APBA1: variants seen among roughly 807,000 people sequenced by gnomAD.
APBA1 encodes the protein amyloid beta precursor protein binding family A member 1.
In APBA1, 55 loss-of-function variants were observed where a neutral mutation model predicts 86.6. The observed-to-expected ratio is 0.64, with a 90% confidence interval of 0.51 to 0.80. APBA1 has a LOEUF of 0.80. Among genes scored for constraint, APBA1 ranks in the 30% least tolerant of loss-of-function variants. The probability of loss-of-function intolerance (pLI) is 0.00; values close to 1 mark genes in which losing one functional copy is unlikely to be tolerated. For synonymous variants in APBA1, 511 were observed against 493.9 expected (o/e 1.03, Z -0.46); for missense variants, 1,090 against 1,183.0 (o/e 0.92, Z 1.15).
intron 1 of APBA1, among the ~76,000 whole-genome samples, chr9:69,648,187 A>C (rs968267143): frequency 6.6e-6 from 1 of 152,210 alleles, no homozygotes; most frequent in Non-Finnish European, 1.5e-5. Context: ...TGGCTACAAC[A>C]TTTCTCACCA....
In APBA1 at chr9:69,514,751, A is replaced by C. The variant is rs143866529; in HGVS notation, c.1200+1260T>G. 3.4e-3 allele frequency among the ~76,000 whole-genome samples: 510 copies of C among 152,118 alleles called. 2 individuals are homozygous for C. The highest frequency in any genetic ancestry group is 0.011 in the African/African-American group (474 of 41,498). ...TTATGAAACCCCGTCTCTACTAAAA[A>C]ATACAAAAATTAGCTGGACGTGGTG... On this transcript the variant is annotated intron_variant, in intron 2 of 12. Transcript: ENST00000265381.
chr9:69,549,717 A>G (rs1043076706), intron 1 of APBA1, among the ~76,000 whole-genome samples: 1 of 152,236 alleles, frequency 6.6e-6, no homozygotes, highest in Non-Finnish European at 1.5e-5. Context: ...AGGAAGAAGA[A>G]AAAATAAAAG....
chr9:69,658,288 C>CTT lies in APBA1; in HGVS notation c.-70+13864_-70+13865insAA, dbSNP rs1823668228. Among the ~76,000 whole-genome samples the CTT allele has an allele frequency of 7.9e-4, 33 of 41,680 alleles. 1 individual carries two copies. Among genetic ancestry groups the CTT allele is most frequent in the African/African-American group, 1.8e-3 (32 of 17,302 alleles). 27.3% of individuals were successfully genotyped at this position (41,680 alleles called of 152,430 possible). Reference sequence around the variant, plus strand: ...TCTTTCTTTCTTTCTTTCTTTCTCTCTCTCTTTCTCTCTCTCTCTTTCTTT... The same window carrying CTT: ...TCTTTCTTTCTTTCTTTCTTTCTCTCTTTCTCTTTCTCTCTCTCTCTTTCTTT... On this transcript the variant is annotated intron_variant, in intron 1 of 12. Coordinates refer to ENST00000265381, the MANE Select transcript of APBA1 (RefSeq NM_001163.4).
intron 1 of APBA1, among the ~76,000 whole-genome samples, chr9:69,586,701 A>G (rs933034797): frequency 5.9e-5 from 9 of 152,144 alleles, no homozygotes; most frequent in Non-Finnish European, 8.8e-5. Context: ...TTAATTCCCA[A>G]TGCTGCTTCC....
chr9:69,583,787 A>G (rs1415399290), intron 1 of APBA1, among the ~76,000 whole-genome samples: 2 of 152,172 alleles, frequency 1.3e-5, no homozygotes, highest in Non-Finnish European at 2.9e-5. Context: ...CGGAATCATT[A>G]AAAGCTCTGG....
intron 1 of APBA1, among the ~76,000 whole-genome samples, chr9:69,670,416 G>A (rs1588421739): frequency 6.6e-6 from 1 of 152,264 alleles, no homozygotes; most frequent in East Asian, 1.9e-4. Flanking sequence ...AAGAGAACCG[G>A]GCAGCCAGTT....
chr9:69,431,466 G>T, intron 12 of APBA1, 68 bp from the exon 13 acceptor site: 1 of 1,418,936 alleles, frequency 7.0e-7, no homozygotes, highest in Non-Finnish European at 9.8e-7. Context: ...CACTGCCCAG[G>T]GCTGGCCAGA....
chr9:69,484,280 A>G (rs796373827), intron 2 of APBA1, among the ~76,000 whole-genome samples: 31 of 152,238 alleles, frequency 2.0e-4, no homozygotes, highest in African/African-American at 7.0e-4. Context: ...CAGGTTATAC[A>G]GAGAGCAGGG....
At chr9:69,472,010 CT>C (rs1835374278) in intron 3 of APBA1, among the ~76,000 whole-genome samples, 1 of 152,150 alleles carries the variant, frequency 6.6e-6, no homozygotes, top group African/African-American at 2.4e-5. Flanking sequence ...AATTTGTATT[CT>C]TAAGGATCTG....
chr9:69,540,203 G>A (rs1836583289), intron 1 of APBA1, among the ~76,000 whole-genome samples: 1 of 151,932 alleles, frequency 6.6e-6, no homozygotes, highest in Admixed American at 6.6e-5. Context: ...ATCTAAAATA[G>A]TAATCTCCAT....
rs117226337 is a variant in APBA1, at chr9:69,643,256, T to C, written c.-70+28897A>G. ...CTACACAAGCTCCCCATGAAGACTT[T>C]CTTCACCTGCCGAGTCTCAGTAACT... On this transcript the variant is annotated intron_variant, in intron 1 of 12. Transcript: ENST00000265381. 4.2e-3 allele frequency among the ~76,000 whole-genome samples: 640 copies of C among 152,246 alleles called. 2 individuals carry two copies. The highest frequency in any genetic ancestry group is 7.2e-3 in the Non-Finnish European group (493 of 68,024).
At chr9:69,647,037 T>G (rs1823405188) in intron 1 of APBA1, among the ~76,000 whole-genome samples, 1 of 152,194 alleles carries the variant, frequency 6.6e-6, no homozygotes, top group African/African-American at 2.4e-5. Flanking sequence ...TTTTCCCTTT[T>G]CACTGCCTTG....
In APBA1 at chr9:69,503,046, C is replaced by A. The variant is rs140621196; in HGVS notation, c.1200+12965G>T. On this transcript the variant is annotated intron_variant, in intron 2 of 12. Transcript: ENST00000265381. ...CAAGTGTGTGTGCTTAACACAAACA[C>A]CGCAGGAAATTAAAAACTTAGTGCA... Among the ~76,000 whole-genome samples the A allele has an allele frequency of 1.4e-3, 214 of 152,192 alleles. 1 individual carries two copies. The highest frequency in any genetic ancestry group is 4.8e-3 in the African/African-American group (198 of 41,536).
chr9:69,593,734 A>G (rs558321295), intron 1 of APBA1, among the ~76,000 whole-genome samples: 16 of 152,366 alleles, frequency 1.1e-4, no homozygotes, highest in African/African-American at 3.6e-4. Context: ...ATTGATGCCA[A>G]TGAAAATCAA....
intron 1 of APBA1, among the ~76,000 whole-genome samples, chr9:69,627,559 T>C (rs1306268562): frequency 2.0e-5 from 3 of 152,148 alleles, no homozygotes; most frequent in Non-Finnish European, 4.4e-5. Context: ...TTTGTTGTGA[T>C]AACCTAAACG....
At chr9:69,470,857 T>C (rs1835356057) in intron 4 of APBA1, among the ~76,000 whole-genome samples, 1 of 152,174 alleles carries the variant, frequency 6.6e-6, no homozygotes, top group African/African-American at 2.4e-5. Context: ...CCCATTTGGA[T>C]GGTACAGTCT....
At chr9:69,575,548 TG>T (rs1443182189) in intron 1 of APBA1, among the ~76,000 whole-genome samples, 1 of 152,056 alleles carries the variant, frequency 6.6e-6, no homozygotes, top group African/African-American at 2.4e-5. Flanking sequence ...TCAGAAATAA[TG>T]CCGCATATCT....
At chr9:69,657,905 G>A (rs1174642156) in intron 1 of APBA1, among the ~76,000 whole-genome samples, 1 of 152,110 alleles carries the variant, frequency 6.6e-6, no homozygotes, top group Non-Finnish European at 1.5e-5. Context: ...ACAGAGAATG[G>A]AAGAGAGAAT....
At chr9:69,668,607 A>G (rs1823885726) in intron 1 of APBA1, among the ~76,000 whole-genome samples, 1 of 152,166 alleles carries the variant, frequency 6.6e-6, no homozygotes, top group Non-Finnish European at 1.5e-5. Flanking sequence ...CAAATCTTCT[A>G]TAGTTCCCCA....
Sources: gnomAD v4.1 joint callset for allele counts (sites outside exome capture counted in the v4.1 genomes callset) on GRCh38, gnomAD v4.1.1 for gene constraint, MANE v1.5 for transcripts, NCBI Gene and HGNC (gene_info 2026-07-23, HGNC 2026-07-21) for gene names.